The following DISC1 variants were observed in gnomAD, a reference collection of about 807,000 sequenced individuals.
The protein encoded by DISC1 is disrupted in schizophrenia 1 protein.
DISC1 carries 57 observed loss-of-function variants against 84.5 expected under a neutral mutation model. That is an observed-to-expected ratio of 0.67 (90% CI 0.55 to 0.84). The LOEUF (loss-of-function observed/expected upper bound fraction) is 0.84. Among genes scored for constraint, DISC1 ranks in the 40% least tolerant of loss-of-function variants. DISC1 has a pLI of 0.00. For synonymous variants in DISC1, 411 were observed against 415.2 expected (o/e 0.99, Z 0.12); for missense variants, 1,000 against 1,057.8 (o/e 0.95, Z 0.76).
chr1:231,850,576 C>G (rs184102652), intron 9 of DISC1, among the ~76,000 whole-genome samples: 6 of 152,214 alleles, frequency 3.9e-5, no homozygotes, highest in Non-Finnish European at 5.9e-5. Context: ...GTAGAGATAT[C>G]GATCCTGTAC....
intron 1 of DISC1, among the ~76,000 whole-genome samples, chr1:231,668,076 A>G (rs1012391600): frequency 2.0e-5 from 3 of 151,904 alleles, no homozygotes; most frequent in African/African-American, 7.3e-5. Context: ...AAAGCTGTGC[A>G]TACTTAATAC....
chr1:232,031,188 G>GGA lies in DISC1; in HGVS notation c.2425+4641_2425+4642dup, dbSNP rs199843302. On this transcript the variant is annotated intron_variant, in intron 12 of 12. Transcript: ENST00000439617. The surrounding 1 kb of genome is among the most constrained non-coding windows in gnomAD (Gnocchi z 4.6). ...GAACAGGAAGGAAGGAAGGGAGAAA[G>GGA]GAGAGACAGAGAGAGAGGAAGGAAG... Among the ~76,000 whole-genome samples the GGA allele has an allele frequency of 1.4e-4, 15 of 106,784 alleles. No individual in the cohort carries two copies. The highest frequency in any genetic ancestry group is 4.7e-4 in the African/African-American group (14 of 29,670). 70.1% of individuals were successfully genotyped at this position (106,784 alleles called of 152,430 possible).
At chr1:231,678,303 C>T (rs1349293679) in intron 1 of DISC1, among the ~76,000 whole-genome samples, 2 of 152,196 alleles carry the variant, frequency 1.3e-5, no homozygotes, top group African/African-American at 2.4e-5. Flanking sequence ...CCCACCAGAA[C>T]CCAGGGAAGT....
At chr1:231,896,550 T>A (rs1339852126) in intron 9 of DISC1, among the ~76,000 whole-genome samples, 1 of 152,220 alleles carries the variant, frequency 6.6e-6, no homozygotes. Flanking sequence ...ATCTTTCTGA[T>A]GCTCTTCTAG....
intron 9 of DISC1, among the ~76,000 whole-genome samples, chr1:231,896,340 C>A (rs1334902680): frequency 6.6e-6 from 1 of 152,086 alleles, no homozygotes; most frequent in Non-Finnish European, 1.5e-5. Flanking sequence ...AAACAGCTGC[C>A]CATTTTAAAG....
intron 9 of DISC1, among the ~76,000 whole-genome samples, chr1:231,909,643 C>G (rs866516432): frequency 6.6e-6 from 1 of 151,632 alleles, no homozygotes; most frequent in South Asian, 2.1e-4. Flanking sequence ...TTTTTTTTGT[C>G]GTGTCTCTGC....
intron 10 of DISC1, among the ~76,000 whole-genome samples, chr1:231,977,327 A>T (rs1662953619): frequency 6.6e-6 from 1 of 152,208 alleles, no homozygotes; most frequent in Non-Finnish European, 1.5e-5. Context: ...CCACTGGATA[A>T]AGTCAAGGTG....
At chr1:231,963,667 T>C (rs942577823) in intron 10 of DISC1, among the ~76,000 whole-genome samples, 2 of 152,180 alleles carry the variant, frequency 1.3e-5, no homozygotes, top group Non-Finnish European at 2.9e-5. Context: ...TTGACAGGTA[T>C]TATAATGTAG....
rs1320594249 is a variant in DISC1 at position 231,895,420 on chromosome 1, A to T, written c.1982-63408A>T. 4.8e-5 allele frequency among the ~76,000 whole-genome samples: 7 copies of T among 144,776 alleles called. No individual in the cohort carries two copies. In the East Asian group the frequency reaches 1.4e-3, roughly 28 times the overall value. 95.0% of individuals were successfully genotyped at this position (144,776 alleles called of 152,430 possible). Reference sequence around the variant, plus strand: ...CCATATATGTATCTCCCTCATATATATGTGTGTGTGTATATATATATATAT... The same window carrying T: ...CCATATATGTATCTCCCTCATATATTTGTGTGTGTGTATATATATATATAT... On this transcript the variant is annotated intron_variant, in intron 9 of 12. Coordinates refer to ENST00000439617, the MANE Select transcript of DISC1 (RefSeq NM_018662.3).
intron 1 of DISC1, among the ~76,000 whole-genome samples, chr1:231,663,615 C>T (rs953987503): frequency 4.6e-5 from 7 of 152,190 alleles, no homozygotes; most frequent in African/African-American, 1.7e-4. Flanking sequence ...CTTCAAGCTC[C>T]ATCCCCACTA....
intron 9 of DISC1, among the ~76,000 whole-genome samples, chr1:231,892,734 A>G (rs1558699609): frequency 6.6e-6 from 1 of 152,208 alleles, no homozygotes; most frequent in South Asian, 2.1e-4. Flanking sequence ...AGGATAGACA[A>G]ACATAGAAGA....
intron 9 of DISC1, among the ~76,000 whole-genome samples, chr1:231,842,343 C>G (rs200377028): frequency 9.2e-5 from 14 of 152,100 alleles, no homozygotes; most frequent in Non-Finnish European, 1.5e-4. Context: ...GCCCCCAGTT[C>G]CTGTAATCCT....
At chr1:231,770,430 A>C (rs1030062881) in intron 5 of DISC1, among the ~76,000 whole-genome samples, 1 of 152,110 alleles carries the variant, frequency 6.6e-6, no homozygotes, top group Non-Finnish European at 1.5e-5. Context: ...ACAGACTAAC[A>C]AAGGGTCAGT....
At chr1:231,889,303 A>G (rs568853565) in intron 9 of DISC1, among the ~76,000 whole-genome samples, 1 of 152,336 alleles carries the variant, frequency 6.6e-6, no homozygotes, top group Admixed American at 6.5e-5. Context: ...GGTACACGCC[A>G]CCAAGACTAA....
At position 231,630,042 on chromosome 1, in the gene DISC1, C is replaced by T. The variant is rs1452859394; in HGVS notation, c.67+3108C>T. ...TGCCTCCTGGGTTCAAGCGATTCTC[C>T]TGCCTCAGCCTCTCGAGTAGTGGGA... On this transcript the variant is annotated intron_variant, in intron 1 of 12. Coordinates refer to ENST00000439617, the MANE Select transcript of DISC1 (RefSeq NM_018662.3). The surrounding 1 kb of genome is among the most constrained non-coding windows in gnomAD (Gnocchi z 4.4). 6.6e-6 allele frequency among the ~76,000 whole-genome samples: 1 copy of T among 152,272 alleles called. No individual in the cohort carries two copies. Among genetic ancestry groups the T allele is most frequent in the East Asian group, 1.9e-4 (1 of 5,168 alleles).
chr1:231,703,201 A>G (rs1311799239), intron 3 of DISC1, among the ~76,000 whole-genome samples: 2 of 152,320 alleles, frequency 1.3e-5, no homozygotes, highest in East Asian at 3.9e-4. Flanking sequence ...GGAAGGGAGA[A>G]AGGACTGGAG....
At chr1:231,733,340 G>A (rs1173137241) in intron 3 of DISC1, among the ~76,000 whole-genome samples, 1 of 150,000 alleles carries the variant, frequency 6.7e-6, no homozygotes, top group Admixed American at 6.6e-5. Flanking sequence ...TGGGAATGGT[G>A]GTGATTGCAG....
At chr1:231,861,452 G>GTTT (rs59522401) in intron 9 of DISC1, among the ~76,000 whole-genome samples, 6 of 88,966 alleles carry the variant, frequency 6.7e-5, no homozygotes, top group East Asian at 4.4e-4. Flanking sequence ...ATTTTGACAA[G>GTTT]TTTTTTTTTT....
At chr1:231,680,660 A>G (rs2063597207) in intron 1 of DISC1, among the ~76,000 whole-genome samples, 1 of 152,228 alleles carries the variant, frequency 6.6e-6, no homozygotes, top group Non-Finnish European at 1.5e-5. Context: ...CAAAGCTTTG[A>G]TGTGGGCTTA....
Sources: allele counts gnomAD v4.1 joint callset (sites outside exome capture counted in the v4.1 genomes callset), GRCh38; gene constraint gnomAD v4.1.1; non-coding constraint Gnocchi (gnomAD v3.1); transcripts MANE v1.5; gene names NCBI Gene and HGNC (gene_info 2026-07-23, HGNC 2026-07-21).